The following ZZEF1 variants were observed in gnomAD, a reference collection of about 807,000 sequenced individuals.
ZZEF1 encodes zinc finger ZZ-type and EF-hand domain containing 1, also known as zinc finger ZZ-type and EF-hand domain-containing protein 1.
A neutral mutation model predicts 342.8 loss-of-function variants in ZZEF1; 157 were observed. That is an observed-to-expected ratio of 0.46 (90% CI 0.40 to 0.52). The LOEUF is 0.52. Ranked by LOEUF, ZZEF1 falls within the 20% of genes least tolerant of loss-of-function variation. The probability of loss-of-function intolerance (pLI) is 0.00; values close to 1 mark genes in which losing one functional copy is unlikely to be tolerated. For synonymous variants in ZZEF1, 1,505 were observed against 1,429.1 expected, an observed-to-expected ratio of 1.05 and a Z score of -1.20; for missense variants, 3,480 against 3,725.6, an observed-to-expected ratio of 0.93 and a Z score of 1.72.
intron 2 of ZZEF1, among the ~76,000 whole-genome samples, chr17:4,122,374 GTCTTT>G (rs1249020741): frequency 6.6e-6 from 1 of 151,202 alleles, no homozygotes; most frequent in African/African-American, 2.4e-5. Context: ...CACAGGCCAT[GTCTTT>G]TCTTTTTTTT....
At chr17:4,027,565 G>T (rs2056440374) in intron 42 of ZZEF1, among the ~76,000 whole-genome samples, 1 of 148,932 alleles carries the variant, frequency 6.7e-6, no homozygotes, top group Admixed American at 6.7e-5. Flanking sequence ...AAAGTGCTGG[G>T]ATTACAGGCA....
At chr17:4,066,379 ATTGG>A (rs1199766366) in intron 28 of ZZEF1, 64 bp downstream of exon 28, 3 of 1,378,538 alleles carry the variant, frequency 2.2e-6, no homozygotes, top group Non-Finnish European at 3.1e-6. Flanking sequence ...AAGGTGAGTA[ATTGG>A]TTTTCCAGGC....
intron 37 of ZZEF1, among the ~76,000 whole-genome samples, chr17:4,048,854 C>T (rs1293507461): frequency 4.0e-5 from 6 of 150,592 alleles, no homozygotes; most frequent in African/African-American, 9.8e-5. Flanking sequence ...ACTACAGGCA[C>T]GTGACACCAG....
chr17:4,049,580 C>A, intron 37 of ZZEF1, 128 bp downstream of exon 37: 1 of 1,038,512 alleles, frequency 9.6e-7, no homozygotes, highest in Non-Finnish European at 1.4e-6. Flanking sequence ...TTTGATGGAG[C>A]AGGCATGTGA....
At chr17:4,033,913 T>C in intron 40 of ZZEF1, 102 bp downstream of exon 40, 4 of 1,462,080 alleles carry the variant, frequency 2.7e-6, no homozygotes, top group East Asian at 2.3e-5. Context: ...AACACAACTG[T>C]AGCACACCGA....
In ZZEF1 at chr17:4,096,647, T is replaced by C; in HGVS notation, c.1726A>G (p.Thr576Ala). 1 of 1,614,084 alleles carries C rather than the reference T, an allele frequency of 6.2e-7. No homozygotes were observed. The highest frequency in any genetic ancestry group is 8.5e-7 in the Non-Finnish European group (1 of 1,179,970). The change falls in exon 10 of 55, where the codon ACT becomes GCT. Residue 576 changes from threonine to alanine, a missense_variant. Transcript: ENST00000381638. Reference protein sequence around the residue: ...TRASTIFSTGTESAFQVTQIR... With the variant: ...TRASTIFSTGAESAFQVTQIR... ...TGTGTAACTTGGAAGGCAGATTCAG[T>C]TCCGGTAGAAAAAATAGTGCTGGCT...
chr17:4,039,102 GA>G (rs1212926104), intron 39 of ZZEF1, among the ~76,000 whole-genome samples: 2 of 152,026 alleles, frequency 1.3e-5, no homozygotes, highest in African/African-American at 2.4e-5. Context: ...TCAACTTAAT[GA>G]AATCTCTCAG....
Position 4,074,423 on chromosome 17 carries a change from A to G in ZZEF1, c.3484-72T>C, listed in dbSNP as rs561652252. On this transcript the variant is annotated intron_variant, in intron 23 of 54. Transcript: ENST00000381638. ...TGCTTCAGAAATCAGCATGCTCTTC[A>G]TGACGAGAAACATCTCAGTTTAAAA... 1.5e-4 allele frequency: 214 copies of G among 1,462,166 alleles called. No homozygotes were observed. The Middle Eastern group carries it at 1.9e-3, about 13-fold the overall frequency. 90.6% of individuals were successfully genotyped at this position (1,462,166 alleles called of 1,614,324 possible).
At chr17:4,108,385 T>A (rs1472509666) in intron 6 of ZZEF1, among the ~76,000 whole-genome samples, 1 of 152,196 alleles carries the variant, frequency 6.6e-6, no homozygotes, top group Non-Finnish European at 1.5e-5. Flanking sequence ...ATAACTGACC[T>A]GTAATTTTCA....
chr17:4,096,779 A>G, intron 9 of ZZEF1, 79 bp from the exon 10 acceptor site: 1 of 1,149,542 alleles, frequency 8.7e-7, no homozygotes, highest in South Asian at 1.3e-5. Context: ...AAAACAAACC[A>G]TATCCTTTGA....
intron 29 of ZZEF1, among the ~76,000 whole-genome samples, chr17:4,063,297 T>C (rs9896963): frequency 0.21 from 31,647 of 152,064 alleles, 3,503 homozygotes; most frequent in African/African-American, 0.28. Context: ...TGTTGGAAAA[T>C]ATCAAATCCT....
chr17:4,043,270 G>A (rs185572619), intron 38 of ZZEF1, among the ~76,000 whole-genome samples: 1 of 152,316 alleles, frequency 6.6e-6, no homozygotes, highest in Non-Finnish European at 1.5e-5. Context: ...AGCATGGCAG[G>A]TACTTAATAC....
At chr17:4,128,428 A>G (rs928663666) in intron 1 of ZZEF1, among the ~76,000 whole-genome samples, 1 of 149,438 alleles carries the variant, frequency 6.7e-6, no homozygotes, top group Non-Finnish European at 1.5e-5. Context: ...AGGATGATTA[A>G]TATCTTCAGA....
rs758701035 is a variant in ZZEF1 at position 4,016,420 on chromosome 17, G to A, written c.8048C>T (p.Thr2683Ile). ...LQGCREDMLG[T>I]MALAACQFME... ...GAACTGGCATGCAGCCAGGGCCATGGTCCCCAGCATGTCCTCTCGGCAGCC... is the reference window on the plus strand; with the variant it reads ...GAACTGGCATGCAGCCAGGGCCATGATCCCCAGCATGTCCTCTCGGCAGCC... Residue 2683 changes from threonine (T) to isoleucine (I), a missense_variant, in exon 49 of 55, where the codon ACC (threonine) becomes ATC (isoleucine). Coordinates refer to ENST00000381638, the MANE Select transcript of ZZEF1 (RefSeq NM_015113.4). This position sits in a 1 kb window ranked among gnomAD's most constrained non-coding sequence, Gnocchi z 4.4. 1 of 1,614,006 alleles carries A rather than the reference G, an allele frequency of 6.2e-7. No homozygotes were observed. The highest frequency in any genetic ancestry group is 1.1e-5 in the South Asian group (1 of 91,076).
At chr17:4,027,026 T>A (rs1342945179) in intron 42 of ZZEF1, among the ~76,000 whole-genome samples, 1 of 152,124 alleles carries the variant, frequency 6.6e-6, no homozygotes, top group African/African-American at 2.4e-5. Context: ...AGATCCCAGA[T>A]GGAAAACTGA....
intron 11 of ZZEF1, among the ~76,000 whole-genome samples, chr17:4,092,215 T>C (rs2057958299): frequency 6.6e-6 from 1 of 151,900 alleles, no homozygotes; most frequent in Non-Finnish European, 1.5e-5. Context: ...ATTAGTATTT[T>C]ATATAGGTAA....
At chr17:4,078,148 T>C (rs1032700328) in intron 18 of ZZEF1, 106 bp from the exon 19 acceptor site, 4 of 1,194,052 alleles carry the variant, frequency 3.3e-6, no homozygotes, top group Non-Finnish European at 4.6e-6. Flanking sequence ...AAACAAACTA[T>C]AGCCACGGAA....
At chr17:4,070,059 G>A (rs1226372781) in intron 26 of ZZEF1, among the ~76,000 whole-genome samples, 1 of 152,184 alleles carries the variant, frequency 6.6e-6, no homozygotes, top group African/African-American at 2.4e-5. Context: ...CTAGGCGGCA[G>A]GGAAGCAGGG....
intron 32 of ZZEF1, among the ~76,000 whole-genome samples, chr17:4,056,562 G>C (rs916504642): frequency 6.6e-6 from 1 of 152,172 alleles, no homozygotes; most frequent in Non-Finnish European, 1.5e-5. Context: ...TAGACTATAA[G>C]GGATGAGAAA....
Sources: gnomAD v4.1 joint callset for allele counts (sites outside exome capture counted in the v4.1 genomes callset) on GRCh38, gnomAD v4.1.1 for gene constraint, Gnocchi (gnomAD v3.1) non-coding constraint, MANE v1.5 for transcripts, NCBI Gene and HGNC (gene_info 2026-07-23, HGNC 2026-07-21) for gene names.